The following CSMD2 variants were observed in gnomAD, a reference collection of about 807,000 sequenced individuals.
The protein encoded by CSMD2 is CUB and Sushi multiple domains 2, also known as CUB and sushi domain-containing protein 2.
Under a neutral mutation model 398.5 loss-of-function variants are expected in CSMD2, and 130 were observed. The ratio of observed to expected loss-of-function variants is 0.33; its 90% CI spans 0.28 to 0.38. The LOEUF (loss-of-function observed/expected upper bound fraction) is 0.38, where lower values mean the gene tolerates loss of function less well. Ranked by LOEUF, CSMD2 falls within the 10% of genes least tolerant of loss-of-function variation. The probability of loss-of-function intolerance (pLI) is 1.00; values close to 1 mark genes in which losing one functional copy is unlikely to be tolerated. For missense variants in CSMD2, 3,829 were observed against 4,764.9 expected (o/e 0.80, Z 5.78); for synonymous variants, 1,828 against 1,908.5 (o/e 0.96, Z 1.10).
At chr1:33,699,367 A>C (rs755004967) in intron 23 of CSMD2, among the ~76,000 whole-genome samples, 102 of 152,348 alleles carry the variant, frequency 6.7e-4, no homozygotes, top group Non-Finnish European at 1.1e-3. Context: ...GGGCTGGAAA[A>C]GGAAACAGAT....
chr1:33,826,044 G>A (rs771533218), intron 6 of CSMD2, among the ~76,000 whole-genome samples: 16 of 152,284 alleles, frequency 1.1e-4, no homozygotes, highest in Non-Finnish European at 1.9e-4. Context: ...GGACTCCCCC[G>A]GTGGCCTCTC....
intron 2 of CSMD2, among the ~76,000 whole-genome samples, chr1:34,084,706 C>T (rs1461785687): frequency 5.3e-5 from 8 of 151,768 alleles, no homozygotes; most frequent in Non-Finnish European, 1.0e-4. Flanking sequence ...GTTAGAATGG[C>T]GATCATTAAA....
At chr1:34,081,298 A>C (rs1053822920) in intron 2 of CSMD2, among the ~76,000 whole-genome samples, 1 of 152,038 alleles carries the variant, frequency 6.6e-6, no homozygotes. Flanking sequence ...GCATCTTCCA[A>C]TGTTACTTGG....
intron 3 of CSMD2, among the ~76,000 whole-genome samples, chr1:34,022,991 C>A (rs1245911257): frequency 6.6e-6 from 1 of 152,088 alleles, no homozygotes; most frequent in Non-Finnish European, 1.5e-5. Flanking sequence ...ACCACCATGC[C>A]TAGCTAATTT....
rs150519577 is a variant in CSMD2, at chr1:33,572,819, A to T, written c.7577-128T>A. On this transcript the variant is annotated intron_variant, in intron 49 of 70. Transcript: ENST00000373381. ...ACTAATTAAAGGGTAAAGTATCATAATAAAAAAGAAAATGGGAGGATCATC... is the reference window on the plus strand; with the variant it reads ...ACTAATTAAAGGGTAAAGTATCATATTAAAAAAGAAAATGGGAGGATCATC... The T allele has an allele frequency of 2.7e-3, 1,659 of 605,020 alleles. 25 individuals carry two copies. The African/African-American group carries it at 0.028, about 10-fold the overall frequency. The allele number at this position is 605,020 out of a possible 1,614,324, so 37.5% of individuals were successfully genotyped here. A position where few individuals can be genotyped will look rare whatever the true frequency, so the allele number is the denominator to read the frequency against.
intron 62 of CSMD2, among the ~76,000 whole-genome samples, chr1:33,535,408 T>TAATATTTGTAA (rs1553131842): frequency 6.6e-6 from 1 of 152,250 alleles, no homozygotes; most frequent in Non-Finnish European, 1.5e-5. Context: ...TTGCTGGTTT[T>TAATATTTGTAA]AATATTTGTA....
At chr1:33,569,800 C>G (rs1690552) in intron 51 of CSMD2, among the ~76,000 whole-genome samples, 134,342 of 152,164 alleles carry the variant, frequency 0.88, 59,826 homozygotes, top group Middle Eastern at 0.96. Context: ...TTGCAGATAG[C>G]GCCCTGGCCT....
intron 5 of CSMD2, among the ~76,000 whole-genome samples, chr1:33,908,082 T>A (rs1570466722): frequency 1.5e-5 from 1 of 66,568 alleles, no homozygotes; most frequent in Non-Finnish European, 2.6e-5. Flanking sequence ...CAAGACTCCA[T>A]CTCAAAAAAA....
intron 12 of CSMD2, among the ~76,000 whole-genome samples, chr1:33,774,107 TTGTGTGTGTGTGTGTGTG>T (rs61454614): frequency 5.6e-5 from 8 of 141,616 alleles, no homozygotes; most frequent in East Asian, 2.2e-4. Context: ...ATGGCTGGGA[TTGTGTGTGTGTGTGTGTG>T]TGTGTGTGTG....
intron 3 of CSMD2, among the ~76,000 whole-genome samples, chr1:33,973,339 G>A (rs1645841330): frequency 6.6e-6 from 1 of 152,220 alleles, no homozygotes; most frequent in Non-Finnish European, 1.5e-5. Flanking sequence ...GGGAGGCCAA[G>A]GGGCTTCCTG....
chr1:33,583,564 GCAGCACAGACT>G, intron 47 of CSMD2, 67 bp downstream of exon 47: 1 of 1,416,822 alleles, frequency 7.1e-7, no homozygotes, highest in Non-Finnish European at 9.8e-7. Flanking sequence ...TAGGAAAACT[GCAGCACAGACT>G]CCTCGGGTTC....
chr1:33,602,446 G>C lies in CSMD2; in HGVS notation c.6633C>G (p.Thr2211=). 6.2e-7 allele frequency: 1 copy of C among 1,614,024 alleles called. No homozygotes were observed. The highest frequency in any genetic ancestry group is 8.5e-7 in the Non-Finnish European group (1 of 1,179,988). ...GGCGGACGCCATGGCCAATGGGCACGGTGATCAGCCAGACACAGTCCTGGG... is the reference window on the plus strand; with the variant it reads ...GGCGGACGCCATGGCCAATGGGCACCGTGATCAGCCAGACACAGTCCTGGG... ...SSSQDCVWLI[T]VPIGHGVRLN... Residue 2211 remains threonine (T), a synonymous_variant, in exon 43 of 71, where the codon ACC becomes ACG. Transcript: ENST00000373381.
At chr1:33,891,283 A>C (rs1641999840) in intron 5 of CSMD2, among the ~76,000 whole-genome samples, 1 of 151,682 alleles carries the variant, frequency 6.6e-6, no homozygotes, top group Non-Finnish European at 1.5e-5. Flanking sequence ...ATGCAGCCAA[A>C]AAACACATGA....
At chr1:33,960,662 T>C (rs1368687202) in intron 3 of CSMD2, among the ~76,000 whole-genome samples, 1 of 152,134 alleles carries the variant, frequency 6.6e-6, no homozygotes, top group Non-Finnish European at 1.5e-5. Context: ...CGCACGCATT[T>C]CCCATGGAAA....
chr1:33,907,534 C>T (rs1449588793), intron 5 of CSMD2, among the ~76,000 whole-genome samples: 1 of 152,046 alleles, frequency 6.6e-6, no homozygotes. Flanking sequence ...TGAGGGTAGC[C>T]AGTGTAGACC....
Position 34,052,460 on chromosome 1 carries a change from G to T in CSMD2, c.405-19754C>A, listed in dbSNP as rs550372313. ...CATCTGCAGATTTTTATATCCATGG[G>T]GGGGGGGTCGAGAAATCAATCCCCT... On this transcript the variant is annotated intron_variant, in intron 2 of 70. Coordinates refer to ENST00000373381, the MANE Select transcript of CSMD2 (RefSeq NM_001281956.2). 5.3e-4 allele frequency among the ~76,000 whole-genome samples: 80 copies of T among 150,078 alleles called. No homozygotes were observed. The South Asian group carries it at 0.011, about 20-fold the overall frequency.
intron 25 of CSMD2, among the ~76,000 whole-genome samples, chr1:33,685,087 C>A (rs1401361092): frequency 6.6e-6 from 1 of 152,218 alleles, no homozygotes; most frequent in Non-Finnish European, 1.5e-5. Context: ...AATACACAAG[C>A]AAACTTTCAT....
intron 5 of CSMD2, among the ~76,000 whole-genome samples, chr1:33,895,857 G>T (rs1005613767): frequency 1.3e-5 from 2 of 152,110 alleles, no homozygotes; most frequent in Non-Finnish European, 2.9e-5. Context: ...GTCTGAAGCC[G>T]CAGTGCTCAG....
intron 10 of CSMD2, among the ~76,000 whole-genome samples, chr1:33,795,662 C>T (rs1167282974): frequency 1.3e-5 from 2 of 152,226 alleles, no homozygotes; most frequent in African/African-American, 4.8e-5. Flanking sequence ...GGGGAGCAGC[C>T]CCTGCTCAGC....
Sources: allele counts gnomAD v4.1 joint callset (sites outside exome capture counted in the v4.1 genomes callset), GRCh38; gene constraint gnomAD v4.1.1; transcripts MANE v1.5; gene names NCBI Gene and HGNC (gene_info 2026-07-23, HGNC 2026-07-21).